The following SCFD2 variants were observed in gnomAD, a reference collection of about 807,000 sequenced individuals.
SCFD2 encodes sec1 family domain containing 2.
In SCFD2, 54 loss-of-function variants were observed where a neutral mutation model predicts 58.9. That is an observed-to-expected ratio of 0.92 (90% CI 0.74 to 1.15). The LOEUF (loss-of-function observed/expected upper bound fraction) is 1.15. Ranked by LOEUF, SCFD2 falls within the 50% of genes most tolerant of loss-of-function variation. SCFD2 has a pLI of 0.00. For missense variants in SCFD2, 805 were observed against 836.6 expected, an observed-to-expected ratio of 0.96 and a Z score of 0.47; for synonymous variants, 321 against 335.9, an observed-to-expected ratio of 0.96 and a Z score of 0.49.
At chr4:53,224,991 C>T (rs1729158999) in intron 4 of SCFD2, among the ~76,000 whole-genome samples, 1 of 152,028 alleles carries the variant, frequency 6.6e-6, no homozygotes, top group Non-Finnish European at 1.5e-5. Flanking sequence ...TCTTCAATAA[C>T]TTAATTTTTA....
chr4:53,267,635 G>A (rs1307117604), intron 4 of SCFD2, among the ~76,000 whole-genome samples: 1 of 152,094 alleles, frequency 6.6e-6, no homozygotes, highest in South Asian at 2.1e-4. Context: ...AGGCTGGAGC[G>A]CAGTGGCTAT....
intron 4 of SCFD2, among the ~76,000 whole-genome samples, chr4:53,156,826 A>G (rs889055446): frequency 1.3e-5 from 2 of 152,240 alleles, no homozygotes; most frequent in Admixed American, 6.5e-5. Flanking sequence ...GCTATATACT[A>G]ACGACGATGG....
intron 8 of SCFD2, among the ~76,000 whole-genome samples, chr4:52,879,814 A>T (rs984449443): frequency 6.6e-6 from 1 of 152,222 alleles, no homozygotes; most frequent in Non-Finnish European, 1.5e-5. Flanking sequence ...CAGGATTTAC[A>T]TTCCATATCC....
chr4:53,136,351 G>A (rs748917681), intron 5 of SCFD2, among the ~76,000 whole-genome samples: 5 of 152,176 alleles, frequency 3.3e-5, no homozygotes, highest in Non-Finnish European at 7.4e-5. Context: ...GTCCTCATGA[G>A]CAGAGCGAAT....
At position 52,918,766 on chromosome 4, in the gene SCFD2, A is replaced by G. The variant is rs574889605; in HGVS notation, c.1707+1959T>C. Among the ~76,000 whole-genome samples, 5 of 152,276 alleles carry G rather than the reference A, an allele frequency of 3.3e-5. No homozygotes were observed. The East Asian group carries it at 9.7e-4, about 29-fold the overall frequency. ...ATGTCCCCTCACTGCCACCCAATTG[A>G]TCATGGACCTCTGTTTCAGTTGAGC... is the stretch of plus-strand genomic sequence containing the variant. On this transcript the variant is annotated intron_variant, in intron 6 of 8. Transcript: ENST00000401642.
chr4:52,987,196 T>A (rs1015523913), intron 5 of SCFD2, among the ~76,000 whole-genome samples: 4 of 152,024 alleles, frequency 2.6e-5, no homozygotes, highest in Non-Finnish European at 5.9e-5. Flanking sequence ...GCCCAGCTAA[T>A]TTTTTGTATT....
At chr4:53,263,948 T>A (rs1286062889) in intron 4 of SCFD2, among the ~76,000 whole-genome samples, 1 of 152,100 alleles carries the variant, frequency 6.6e-6, no homozygotes, top group African/African-American at 2.4e-5. Context: ...GAGCTCAGAC[T>A]CTCCTTGGGC....
intron 5 of SCFD2, among the ~76,000 whole-genome samples, chr4:52,962,662 A>G (rs1258212104): frequency 6.6e-6 from 1 of 151,384 alleles, no homozygotes; most frequent in Non-Finnish European, 1.5e-5. Context: ...GCTATGATGA[A>G]AATAGTTTAG....
intron 4 of SCFD2, among the ~76,000 whole-genome samples, chr4:53,256,503 C>T (rs763652087): frequency 2.6e-5 from 4 of 152,110 alleles, no homozygotes; most frequent in Non-Finnish European, 4.4e-5. Context: ...GCTGCAATCT[C>T]GGCACTTTGG....
intron 2 of SCFD2, among the ~76,000 whole-genome samples, chr4:53,320,373 T>C (rs1732989726): frequency 6.6e-6 from 1 of 152,208 alleles, no homozygotes; most frequent in Admixed American, 6.5e-5. Flanking sequence ...TCCCAGCACT[T>C]TGGGAGGCCA....
intron 5 of SCFD2, among the ~76,000 whole-genome samples, chr4:53,107,728 A>G (rs1725047379): frequency 6.6e-6 from 1 of 152,246 alleles, no homozygotes; most frequent in South Asian, 2.1e-4. Flanking sequence ...TCATAAAATA[A>G]GTTCTTACAG....
At chr4:53,313,793 A>G in intron 2 of SCFD2, 30 bp from the exon 3 acceptor site, 5 of 1,612,434 alleles carry the variant, frequency 3.1e-6, no homozygotes, top group South Asian at 1.1e-5. Context: ...AGAGCTTTAG[A>G]ATAAATTTCT....
At chr4:53,359,981 C>A (rs2149172447) in intron 1 of SCFD2, among the ~76,000 whole-genome samples, 2 of 152,266 alleles carry the variant, frequency 1.3e-5, no homozygotes, top group South Asian at 4.1e-4. Flanking sequence ...CTCAGTGCCC[C>A]TAGGGGGCCA....
intron 4 of SCFD2, 38 bp downstream of exon 4, chr4:53,273,788 A>G (rs1560423424): frequency 1.9e-6 from 3 of 1,539,216 alleles, no homozygotes; most frequent in South Asian, 1.2e-5. Flanking sequence ...TCAAAACATT[A>G]ATTATTAAGA....
chr4:52,922,731 T>C (rs991222420), intron 5 of SCFD2, among the ~76,000 whole-genome samples: 7 of 152,218 alleles, frequency 4.6e-5, no homozygotes, highest in African/African-American at 1.4e-4. Flanking sequence ...TACCTACGAC[T>C]AGAACAGCTG....
At chr4:53,206,640 T>C (rs1264197017) in intron 4 of SCFD2, among the ~76,000 whole-genome samples, 1 of 152,128 alleles carries the variant, frequency 6.6e-6, no homozygotes, top group East Asian at 1.9e-4. Context: ...AAATACTAAT[T>C]ACCCTATACA....
Position 53,352,711 on chromosome 4 carries a change from G to T in SCFD2, c.894C>A (p.Pro298=). Residue 298 remains proline (P), a synonymous_variant, in exon 2 of 9, where the codon CCC becomes CCA. Transcript: ENST00000401642. ...NLVEKIISAL[P]QLPGHTNDVM... ...CATCATTTGTGTGGCCTGGGAGCTG[G>T]GGAAGTGCTGAAATGATCTTCTCTA... 5.0e-6 allele frequency: 8 copies of T among 1,614,048 alleles called. No homozygotes were observed. Among genetic ancestry groups the T allele is most frequent in the Non-Finnish European group, 5.9e-6 (7 of 1,179,982 alleles).
intron 4 of SCFD2, among the ~76,000 whole-genome samples, chr4:53,233,782 T>A (rs1443873595): frequency 1.3e-5 from 2 of 152,178 alleles, no homozygotes; most frequent in African/African-American, 4.8e-5. Context: ...AGAACTACAT[T>A]AAAATAACTA....
intron 1 of SCFD2, among the ~76,000 whole-genome samples, chr4:53,355,797 T>G (rs1204786750): frequency 6.6e-6 from 1 of 152,196 alleles, no homozygotes; most frequent in Non-Finnish European, 1.5e-5. Context: ...ACACACATGC[T>G]CCCACCTTAG....
Sources: gnomAD v4.1 joint callset for allele counts (sites outside exome capture counted in the v4.1 genomes callset) on GRCh38, gnomAD v4.1.1 for gene constraint, MANE v1.5 for transcripts, NCBI Gene and HGNC (gene_info 2026-07-23, HGNC 2026-07-21) for gene names.